PAMR1: variants seen among roughly 807,000 people sequenced by gnomAD.
PAMR1 encodes the protein inactive serine protease PAMR1.
Under a neutral mutation model 81.8 loss-of-function variants are expected in PAMR1, and 88 were observed. That is an observed-to-expected ratio of 1.08 (90% CI 0.91 to 1.28). The LOEUF is 1.28. PAMR1 is among the 50% of genes most tolerant of loss of function. The pLI, the probability that PAMR1 is intolerant of heterozygous loss-of-function variation, is 0.00. For synonymous variants in PAMR1, 336 were observed against 345.3 expected (o/e 0.97, Z 0.30); for missense variants, 935 against 919.7 (o/e 1.02, Z -0.21).
chr11:35,508,596 A>C (rs987209024), intron 1 of PAMR1, among the ~76,000 whole-genome samples: 5 of 140,692 alleles, frequency 3.6e-5, no homozygotes, highest in African/African-American at 1.3e-4. Flanking sequence ...TAGGTAAACT[A>C]TGTATCATGC....
upstream of PAMR1, among the ~76,000 whole-genome samples, chr11:35,526,910 C>T (rs149497538): frequency 8.9e-3 from 1,358 of 152,150 alleles, 11 homozygotes; most frequent in Middle Eastern, 0.014. Context: ...GTTGGCGGGC[C>T]CTGGTGGTTT....
At chr11:35,458,067 T>C (rs1219486464) in intron 6 of PAMR1, among the ~76,000 whole-genome samples, 1 of 152,170 alleles carries the variant, frequency 6.6e-6, no homozygotes, top group East Asian at 1.9e-4. Flanking sequence ...ATGGTAAACA[T>C]AATCAAGTCC....
At chr11:35,510,170 TAAG>T (rs758125025) in intron 1 of PAMR1, among the ~76,000 whole-genome samples, 1 of 152,182 alleles carries the variant, frequency 6.6e-6, no homozygotes, top group Non-Finnish European at 1.5e-5. Context: ...ACAGCAAAAT[TAAG>T]AAGAAGGTAT....
At chr11:35,495,395 T>A (rs1246118385) in intron 1 of PAMR1, among the ~76,000 whole-genome samples, 3 of 152,154 alleles carry the variant, frequency 2.0e-5, no homozygotes, top group Non-Finnish European at 4.4e-5. Flanking sequence ...TTTTCTTTTT[T>A]TATATATACC....
chr11:35,483,478 C>A (rs1850439554), intron 3 of PAMR1, among the ~76,000 whole-genome samples: 1 of 152,068 alleles, frequency 6.6e-6, no homozygotes. Flanking sequence ...GCCTTGGAGT[C>A]TCTTCTAGAT....
In PAMR1 at chr11:35,513,612, A is replaced by G. The variant is rs537999008; in HGVS notation, c.73+11901T>C. On this transcript the variant is annotated intron_variant, in intron 1 of 10. Transcript: ENST00000619888. ...ATTGCATTACTATCTTGCATTTTAT[A>G]TATGAAGAAACCAAGGCACAGAAAG... 5 of 152,350 alleles carry G rather than the reference A, an allele frequency of 3.3e-5. No homozygotes were observed. The South Asian group carries it at 1.0e-3, about 32-fold the overall frequency. 9.4% of individuals were successfully genotyped at this position (152,350 alleles called of 1,614,324 possible).
At position 35,507,787 on chromosome 11, in the gene PAMR1, C is replaced by G. The variant is rs1000540474; in HGVS notation, c.74-13515G>C. On this transcript the variant is annotated intron_variant, in intron 1 of 10. Coordinates refer to ENST00000619888, the MANE Select transcript of PAMR1 (RefSeq NM_001001991.3). ...TGCTTAGAAATTCTTTGTAATTTACCTATTGAAATCTTTTTTTTTTTTTTC... is the reference window on the plus strand; with the variant it reads ...TGCTTAGAAATTCTTTGTAATTTACGTATTGAAATCTTTTTTTTTTTTTTC... Among the ~76,000 whole-genome samples, 48 of 113,586 alleles carry G rather than the reference C, an allele frequency of 4.2e-4. 1 individual carries two copies. In the Middle Eastern group the frequency reaches 0.027, roughly 63 times the overall value. The allele number at this position is 113,586 out of a possible 152,430, so 74.5% of individuals were successfully genotyped here.
chr11:35,478,274 G>A (rs1361606746), intron 3 of PAMR1, among the ~76,000 whole-genome samples: 3 of 152,120 alleles, frequency 2.0e-5, no homozygotes, highest in South Asian at 2.1e-4. Context: ...GTCTCTGGAG[G>A]GCTCAGTCCC....
chr11:35,460,326 T>A (rs538825317), intron 6 of PAMR1, among the ~76,000 whole-genome samples: 290 of 151,746 alleles, frequency 1.9e-3, no homozygotes, highest in Non-Finnish European at 3.6e-3. Flanking sequence ...TTTTTTTTTT[T>A]ATATACTTTT....
Position 35,525,501 on chromosome 11 carries a change from T to C in PAMR1, c.73+12A>G. On this transcript the variant is annotated intron_variant, in intron 1 of 10. Coordinates refer to ENST00000619888, the MANE Select transcript of PAMR1 (RefSeq NM_001001991.3). ...TGTCCTCCTAGGGTGTCCCGGACGC[T>C]ACTCACAGTACCTCTTGGCAAGGAC... 2 of 1,612,402 alleles carry C rather than the reference T, an allele frequency of 1.2e-6. No homozygotes were observed. The highest frequency in any genetic ancestry group is 1.7e-6 in the Non-Finnish European group (2 of 1,178,574).
At chr11:35,460,392 T>C (rs1001809652) in intron 6 of PAMR1, among the ~76,000 whole-genome samples, 3 of 152,026 alleles carry the variant, frequency 2.0e-5, no homozygotes, top group African/African-American at 7.2e-5. Context: ...TTGTTACATA[T>C]GTATACATGT....
intron 4 of PAMR1, among the ~76,000 whole-genome samples, chr11:35,474,307 A>G (rs75283625): frequency 0.037 from 5,685 of 152,316 alleles, 326 homozygotes; most frequent in East Asian, 0.3. Context: ...ATTTCTTTAC[A>G]TCCCTCCCAT....
chr11:35,457,338 T>C (rs1410583438), intron 6 of PAMR1, among the ~76,000 whole-genome samples: 1 of 152,138 alleles, frequency 6.6e-6, no homozygotes, highest in East Asian at 1.9e-4. Context: ...CTCAGCACTC[T>C]TGGTTCTTAG....
intron 6 of PAMR1, among the ~76,000 whole-genome samples, chr11:35,451,121 A>C (rs2135354669): frequency 6.6e-6 from 1 of 152,356 alleles, no homozygotes; most frequent in East Asian, 1.9e-4. Flanking sequence ...TAAGCCTGAC[A>C]GTTGGGTTTT....
Position 35,436,091 on chromosome 11 carries a change from T to G in PAMR1, c.1145A>C (p.Gln382Pro), listed in dbSNP as rs1460519286. Residue 382 changes from glutamine to proline, a missense_variant, in exon 9 of 11, where the codon CAG becomes CCG. Coordinates refer to ENST00000619888, the MANE Select transcript of PAMR1 (RefSeq NM_001001991.3). ...CTTGGTAGGGGCACTCTGCAGTTTC[T>G]GCTTGCTGAAGGCCGCTGAGTATAG... is the stretch of plus-strand genomic sequence containing the variant. ...HQLYSAAFSKQKLQSAPTKKP... is the reference protein window; with the variant it reads ...HQLYSAAFSKPKLQSAPTKKP... The G allele has an allele frequency of 1.9e-6, 3 of 1,614,212 alleles. No individual in the cohort carries two copies. The highest frequency in any genetic ancestry group is 2.5e-6 in the Non-Finnish European group (3 of 1,180,026).
At position 35,468,016 on chromosome 11, in the gene PAMR1, GCC is replaced by G; in HGVS notation, c.803_804del (p.Gly268AlafsTer4). 6.4e-7 allele frequency: 1 copy of G among 1,558,406 alleles called. No individual in the cohort carries two copies. Among genetic ancestry groups the G allele is most frequent in the African/African-American group, 1.4e-5 (1 of 73,816 alleles). On this transcript the variant is annotated frameshift_variant, in exon 6 of 11. Transcript: ENST00000619888. LOFTEE classifies it high-confidence loss of function. The stretch of plus-strand genomic sequence containing the variant: ...GCATACTCACGATTTTCACAGCGCT[GCC>G]CAGTATAGCCTGCCAAGCAGGCACA... Reference protein sequence around the residue: ...YKCACLAGYTGQRCENLLEER... With the variant: ...YKCACLAGYTXQRCENLLEER...
At chr11:35,530,047 C>A (rs1179213456), upstream of PAMR1, 1 of 152,230 alleles carries the variant, frequency 6.6e-6, no homozygotes, top group Non-Finnish European at 1.5e-5. Flanking sequence ...TTCTGCAGAT[C>A]AGCAGCTAAG....
intron 6 of PAMR1, among the ~76,000 whole-genome samples, chr11:35,466,381 AG>A (rs1278669118): frequency 6.6e-6 from 1 of 152,182 alleles, no homozygotes; most frequent in Admixed American, 6.5e-5. Context: ...TGGCACACAC[AG>A]GGACCCACTA....
At chr11:35,518,043 A>T (rs1286793650) in intron 1 of PAMR1, among the ~76,000 whole-genome samples, 2 of 152,158 alleles carry the variant, frequency 1.3e-5, no homozygotes, top group African/African-American at 4.8e-5. Flanking sequence ...TTTGTATCTC[A>T]TTTCCACGAG....
Sources: allele counts gnomAD v4.1 joint callset (sites outside exome capture counted in the v4.1 genomes callset), GRCh38; gene constraint gnomAD v4.1.1; transcripts MANE v1.5; gene names NCBI Gene and HGNC (gene_info 2026-07-23, HGNC 2026-07-21).